Variants in USH2A observed in about 807,000 individuals in gnomAD.
USH2A encodes the protein Usher syndrome 2A (autosomal recessive, mild).
A neutral mutation model predicts 538.9 loss-of-function variants in USH2A; 443 were observed. The ratio of observed to expected loss-of-function variants is 0.82; its 90% CI spans 0.76 to 0.89. The LOEUF is 0.89. Ranked by LOEUF, USH2A falls within the 40% of genes least tolerant of loss-of-function variation. The probability of loss-of-function intolerance (pLI) is 0.00; values close to 1 mark genes in which losing one functional copy is unlikely to be tolerated. For synonymous variants in USH2A, 2,413 were observed against 2,273.5 expected (o/e 1.06, Z -1.75); for missense variants, 6,633 against 6,324.8 (o/e 1.05, Z -1.65).
At chr1:215,868,684 C>A (rs1465545170) in intron 43 of USH2A, among the ~76,000 whole-genome samples, 2 of 152,108 alleles carry the variant, frequency 1.3e-5, no homozygotes, top group African/African-American at 2.4e-5. Flanking sequence ...GATTAGGCAG[C>A]ACCATAAATT....
At position 216,349,309 on chromosome 1, in the gene USH2A, G is replaced by T. The variant is rs150881828; in HGVS notation, c.784+15644C>A. ...ATCCCTCTACAACTCTTAAGATTAA[G>T]AGCTTTCTTTTAAAAAGGAGGGGGT... On this transcript the variant is annotated intron_variant, in intron 4 of 71. Transcript: ENST00000307340. Among the ~76,000 whole-genome samples, 380 of 152,096 alleles carry T rather than the reference G, an allele frequency of 2.5e-3. 1 individual carries two copies. The highest frequency in any genetic ancestry group is 8.5e-3 in the African/African-American group (351 of 41,504).
chr1:216,052,876 T>C (rs2102530744), intron 30 of USH2A, among the ~76,000 whole-genome samples: 1 of 152,312 alleles, frequency 6.6e-6, no homozygotes, highest in African/African-American at 2.4e-5. Flanking sequence ...ACTATGTAGA[T>C]TGTGGATATA....
At chr1:216,371,463 C>A (rs551916068) in intron 3 of USH2A, among the ~76,000 whole-genome samples, 22 of 152,270 alleles carry the variant, frequency 1.4e-4, no homozygotes, top group African/African-American at 5.3e-4. Flanking sequence ...TGACATCATG[C>A]AGCTAAAACT....
At chr1:216,256,385 G>T (rs558117358) in intron 11 of USH2A, among the ~76,000 whole-genome samples, 14 of 138,776 alleles carry the variant, frequency 1.0e-4, no homozygotes, top group Middle Eastern at 4.1e-3. Context: ...TTATCTCCAT[G>T]TTGGTTTATT....
At position 216,070,233 on chromosome 1, in the gene USH2A, C is replaced by A. The variant is rs751696730; in HGVS notation, c.5917G>T (p.Val1973Leu). Residue 1973 changes from valine to leucine, a missense_variant, in exon 30 of 72, where the codon GTG becomes TTG. Transcript: ENST00000307340. ...VRSLNGYSIE[V>L]TWDEPVVRGV... ...CTGACAACAGGTTCATCCCAGGTCA[C>A]CTCAATGCTGTATCCATTTAAGCTG... 7 of 1,613,852 alleles carry A rather than the reference C, an allele frequency of 4.3e-6. No individual in the cohort carries two copies. The highest frequency in any genetic ancestry group is 5.9e-6 in the Non-Finnish European group (7 of 1,179,926).
intron 4 of USH2A, among the ~76,000 whole-genome samples, chr1:216,344,205 A>G (rs933699843): frequency 2.6e-5 from 4 of 152,108 alleles, no homozygotes; most frequent in Admixed American, 1.3e-4. Flanking sequence ...GACAAAAAAT[A>G]TAAAGGACAA....
At chr1:216,346,766 A>G (rs2038182860) in intron 4 of USH2A, among the ~76,000 whole-genome samples, 1 of 151,574 alleles carries the variant, frequency 6.6e-6, no homozygotes, top group Non-Finnish European at 1.5e-5. Flanking sequence ...AATTTCACGC[A>G]TTCTTGGCTC....
At chr1:215,840,218 T>A (rs1388867264) in intron 46 of USH2A, among the ~76,000 whole-genome samples, 1 of 145,426 alleles carries the variant, frequency 6.9e-6, no homozygotes, top group Middle Eastern at 3.4e-3. Context: ...GTGTGTTATG[T>A]GCTTTAAAAT....
Position 216,133,066 on chromosome 1 carries a change from A to G in USH2A, c.4628-35853T>C, listed in dbSNP as rs182665365. Among the ~76,000 whole-genome samples the G allele has an allele frequency of 1.2e-4, 18 of 152,206 alleles. No homozygotes were observed. In the East Asian group the frequency reaches 3.5e-3, roughly 29 times the overall value. ...AATGGTGGGGTTGGGAAGGGAGAAC[A>G]AGAGTTCCAAGGTCAAAGAAGTTTA... On this transcript the variant is annotated intron_variant, in intron 21 of 71. Transcript: ENST00000307340.
At chr1:216,015,301 G>T (rs1005612410) in intron 32 of USH2A, among the ~76,000 whole-genome samples, 1 of 152,108 alleles carries the variant, frequency 6.6e-6, no homozygotes, top group Non-Finnish European at 1.5e-5. Flanking sequence ...AATGAGCTGC[G>T]CCAGAATGCA....
At position 215,986,438 on chromosome 1, in the gene USH2A, C is replaced by T. The variant is rs558068966; in HGVS notation, c.6805+6582G>A. Among the ~76,000 whole-genome samples, 313 of 151,688 alleles carry T rather than the reference C, an allele frequency of 2.1e-3. 3 individuals carry two copies. Among genetic ancestry groups the T allele is most frequent in the Admixed American group, 6.4e-3 (98 of 15,198 alleles). ...CTGGGATTACAGGGGTGAGCCACCACGCCCAGCCACATGCTTCTCTCTTAA... is the reference window on the plus strand; with the variant it reads ...CTGGGATTACAGGGGTGAGCCACCATGCCCAGCCACATGCTTCTCTCTTAA... On this transcript the variant is annotated intron_variant, in intron 35 of 71. Transcript: ENST00000307340.
intron 49 of USH2A, among the ~76,000 whole-genome samples, chr1:215,806,959 C>T (rs891313188): frequency 6.6e-6 from 1 of 152,054 alleles, no homozygotes; most frequent in African/African-American, 2.4e-5. Context: ...TTAATTCTCA[C>T]AACTGCTTAA....
At chr1:216,137,868 G>A (rs1160758955) in intron 21 of USH2A, among the ~76,000 whole-genome samples, 6 of 151,906 alleles carry the variant, frequency 3.9e-5, no homozygotes, top group Non-Finnish European at 5.9e-5. Flanking sequence ...TTAATAGAGC[G>A]ATCTTTACCC....
chr1:216,193,718 T>C (rs1020851909), intron 19 of USH2A, among the ~76,000 whole-genome samples: 1 of 152,056 alleles, frequency 6.6e-6, no homozygotes, highest in Non-Finnish European at 1.5e-5. Flanking sequence ...ATTAGAGTTA[T>C]GTTGCCACAA....
chr1:215,888,410 A>G lies in USH2A; in HGVS notation c.8223+16T>C. 4.3e-6 allele frequency: 7 copies of G among 1,612,254 alleles called. No individual in the cohort carries two copies. Among genetic ancestry groups the G allele is most frequent in the Non-Finnish European group, 5.9e-6 (7 of 1,179,986 alleles). On this transcript the variant is annotated intron_variant, in intron 41 of 71. Transcript: ENST00000307340. Reference sequence around the variant, plus strand: ...TTCCTAAGTCTGCAAAGGAGAGAGAATAGTCAGTATCTTACCTGGACTGCA... The same window carrying G: ...TTCCTAAGTCTGCAAAGGAGAGAGAGTAGTCAGTATCTTACCTGGACTGCA...
At chr1:216,323,245 AAT>A (rs1002059969) in intron 8 of USH2A, among the ~76,000 whole-genome samples, 63 of 144,214 alleles carry the variant, frequency 4.4e-4, no homozygotes, top group African/African-American at 1.4e-3. Context: ...TGTATATATA[AAT>A]ATATATATAT....
intron 58 of USH2A, among the ~76,000 whole-genome samples, chr1:215,751,456 G>C (rs1285121181): frequency 6.6e-6 from 1 of 151,998 alleles, no homozygotes; most frequent in Non-Finnish European, 1.5e-5. Flanking sequence ...ATGATTAAGG[G>C]CTAGAACAGT....
chr1:216,246,505 A>G (rs2036048250), intron 13 of USH2A, 80 bp downstream of exon 13: 6 of 1,599,328 alleles, frequency 3.8e-6, no homozygotes, highest in Admixed American at 3.4e-5. Flanking sequence ...GAAGCCACAA[A>G]CCAGAAACAG....
chr1:215,688,448 C>T (rs967471667), intron 61 of USH2A, among the ~76,000 whole-genome samples: 1 of 152,088 alleles, frequency 6.6e-6, no homozygotes, highest in African/African-American at 2.4e-5. Context: ...TTTTGAAGAA[C>T]TCATTCTGGC....
Sources: allele counts gnomAD v4.1 joint callset (sites outside exome capture counted in the v4.1 genomes callset), GRCh38; gene constraint gnomAD v4.1.1; transcripts MANE v1.5; gene names NCBI Gene and HGNC (gene_info 2026-07-23, HGNC 2026-07-21).